DYRK1A: variants seen among roughly 807,000 people sequenced by gnomAD.
DYRK1A encodes the protein dual specificity tyrosine-phosphorylation-regulated kinase 1A.
Under a neutral mutation model 79.7 loss-of-function variants are expected in DYRK1A, and 9 were observed. The ratio of observed to expected loss-of-function variants is 0.11; its 90% CI spans 0.07 to 0.20. The LOEUF (loss-of-function observed/expected upper bound fraction) is 0.20. Among genes scored for constraint, DYRK1A ranks in the 10% least tolerant of loss-of-function variants. The pLI is 1.00. For synonymous variants in DYRK1A, 349 were observed against 329.7 expected, an observed-to-expected ratio of 1.06 and a Z score of -0.63; for missense variants, 622 against 956.0, an observed-to-expected ratio of 0.65 and a Z score of 4.61.
intron 8 of DYRK1A, among the ~76,000 whole-genome samples, chr21:37,494,041 G>A (rs887288205): frequency 6.7e-5 from 10 of 148,378 alleles, no homozygotes; most frequent in African/African-American, 2.0e-4. Flanking sequence ...ACAGGCAAGC[G>A]CCACTATGCC....
intron 1 of DYRK1A, chr21:37,415,371 CAT>C (rs1402947014): frequency 6.6e-6 from 1 of 152,216 alleles, no homozygotes; most frequent in Non-Finnish European, 1.5e-5. Flanking sequence ...TATAATCCCA[CAT>C]GTTCTTTGAC....
chr21:37,451,358 ATCCCTCCC>A (rs145860238), intron 2 of DYRK1A, among the ~76,000 whole-genome samples: 1 of 96,384 alleles, frequency 1.0e-5, no homozygotes, highest in Non-Finnish European at 2.3e-5. Context: ...CCGTCCCTCC[ATCCCTCCC>A]TCCCTCCATC....
rs1569412640 is a variant in DYRK1A at position 37,516,538 on chromosome 21, C to T, written c.*4007C>T. The T allele has an allele frequency of 6.6e-6, 1 of 152,210 alleles. No homozygotes were observed. The highest frequency in any genetic ancestry group is 1.5e-5 in the Non-Finnish European group (1 of 68,048). 9.4% of individuals were successfully genotyped at this position (152,210 alleles called of 1,614,324 possible). ...TGTTATCCTCCCTTTTAATGACTAA[C>T]CTTAATCCAAATGAATCCACTGAGA... On this transcript the variant is annotated 3_prime_UTR_variant, in exon 12 of 12. Coordinates refer to ENST00000647188, the MANE Select transcript of DYRK1A (RefSeq NM_001347721.2).
At chr21:37,499,895 T>C (rs2053388351) in intron 9 of DYRK1A, among the ~76,000 whole-genome samples, 1 of 152,194 alleles carries the variant, frequency 6.6e-6, no homozygotes, top group African/African-American at 2.4e-5. Flanking sequence ...TATCTGAAGG[T>C]TCCACATCTG....
chr21:37,400,484 C>T (rs1309482286), intron 1 of DYRK1A, among the ~76,000 whole-genome samples: 1 of 152,244 alleles, frequency 6.6e-6, no homozygotes, highest in African/African-American at 2.4e-5. Context: ...AAGTATACTT[C>T]CAGCTATAAT....
chr21:37,410,812 T>A (rs2050228345), intron 1 of DYRK1A: 1 of 151,710 alleles, frequency 6.6e-6, no homozygotes, highest in South Asian at 2.1e-4. Flanking sequence ...CTCTGGGAGG[T>A]CACAGTGGGC....
At chr21:37,448,910 C>T (rs1189181399) in intron 2 of DYRK1A, among the ~76,000 whole-genome samples, 2 of 152,126 alleles carry the variant, frequency 1.3e-5, no homozygotes, top group African/African-American at 4.8e-5. Flanking sequence ...GTTGTCCAGG[C>T]TGGTCTTGAA....
chr21:37,508,923 C>CCTAT (rs2053674719), intron 11 of DYRK1A, among the ~76,000 whole-genome samples: 1 of 152,188 alleles, frequency 6.6e-6, no homozygotes, highest in African/African-American at 2.4e-5. Flanking sequence ...TGTCTTCTTC[C>CCTAT]CTTTCTTTCT....
At chr21:37,392,341 T>A (rs1403247451) in intron 1 of DYRK1A, among the ~76,000 whole-genome samples, 1 of 152,248 alleles carries the variant, frequency 6.6e-6, no homozygotes, top group Non-Finnish European at 1.5e-5. Context: ...TCTTTTGTTC[T>A]CATTAGTTCC....
In DYRK1A at chr21:37,478,308, T is replaced by A. The variant is rs1210073360; in HGVS notation, c.300+8T>A. 6.2e-7 allele frequency: 1 copy of A among 1,611,732 alleles called. No homozygotes were observed. The highest frequency in any genetic ancestry group is 2.2e-5 in the East Asian group (1 of 44,794). ...TACAAGCATATTAATGAGGTAAGAC[T>A]TGATTTGTTATAATAACATCTATCT... is the stretch of plus-strand genomic sequence containing the variant. On this transcript the variant is annotated splice_region_variant and intron_variant, in intron 4 of 11. Coordinates refer to ENST00000647188, the MANE Select transcript of DYRK1A (RefSeq NM_001347721.2).
chr21:37,452,948 A>T (rs1601136233), intron 2 of DYRK1A, among the ~76,000 whole-genome samples: 3 of 152,146 alleles, frequency 2.0e-5, no homozygotes, highest in Non-Finnish European at 2.9e-5. Context: ...CCACATTTTT[A>T]AAAAAGTAAA....
intron 9 of DYRK1A, among the ~76,000 whole-genome samples, chr21:37,496,633 A>G (rs935954499): frequency 1.2e-4 from 18 of 152,126 alleles, no homozygotes; most frequent in African/African-American, 4.1e-4. Flanking sequence ...AGAAGTCACA[A>G]TTGGAGTAAA....
intron 9 of DYRK1A, among the ~76,000 whole-genome samples, chr21:37,499,926 A>G (rs1432418435): frequency 6.6e-6 from 1 of 152,190 alleles, no homozygotes; most frequent in Non-Finnish European, 1.5e-5. Context: ...TGGATCAAAA[A>G]TACAGTATTC....
rs1464949645 is a variant in DYRK1A, at chr21:37,520,892, T to G, written c.*8361T>G. 1 of 152,240 alleles carries G rather than the reference T, an allele frequency of 6.6e-6. No individual in the cohort carries two copies. 9.4% of individuals were successfully genotyped at this position (152,240 alleles called of 1,614,324 possible). A position where few individuals can be genotyped will look rare whatever the true frequency, so the allele number is the denominator to read the frequency against. ...GGATTCCTCCAGGACTGCTACTGTA[T>G]TCCAATTGAGTGGTGGTTTGCTCTT... On this transcript the variant is annotated 3_prime_UTR_variant, in exon 12 of 12. Transcript: ENST00000647188.
intron 2 of DYRK1A, chr21:37,430,549 AT>A: frequency 5.7e-6 from 2 of 353,754 alleles, no homozygotes; most frequent in Non-Finnish European, 7.9e-6. Flanking sequence ...CTCTGTCATC[AT>A]TTTGCCTCTC....
intron 2 of DYRK1A, among the ~76,000 whole-genome samples, chr21:37,437,618 A>G (rs1277197496): frequency 2.0e-5 from 3 of 152,156 alleles, no homozygotes; most frequent in African/African-American, 7.2e-5. Context: ...TATAAACAGG[A>G]TTATATGTGT....
intron 2 of DYRK1A, among the ~76,000 whole-genome samples, chr21:37,434,135 A>G (rs2050855537): frequency 6.6e-6 from 1 of 152,306 alleles, no homozygotes; most frequent in East Asian, 1.9e-4. Context: ...TTGTAGTGTT[A>G]GGGATAGGAC....
intron 2 of DYRK1A, among the ~76,000 whole-genome samples, chr21:37,448,003 GA>G (rs1310778433): frequency 6.6e-6 from 1 of 152,166 alleles, no homozygotes; most frequent in Non-Finnish European, 1.5e-5. Context: ...AAGGTGTTAA[GA>G]GCTGTTAAGA....
At chr21:37,441,240 C>T (rs568992527) in intron 2 of DYRK1A, among the ~76,000 whole-genome samples, 7 of 151,900 alleles carry the variant, frequency 4.6e-5, no homozygotes, top group South Asian at 2.1e-4. Flanking sequence ...ATATCTTTTC[C>T]CAGATGTTTA....
Sources: gnomAD v4.1 joint callset for allele counts (sites outside exome capture counted in the v4.1 genomes callset) on GRCh38, gnomAD v4.1.1 for gene constraint, MANE v1.5 for transcripts, NCBI Gene and HGNC (gene_info 2026-07-23, HGNC 2026-07-21) for gene names.